ZNF143: variants seen among roughly 807,000 people sequenced by gnomAD.
The protein encoded by ZNF143 is zinc finger protein 143.
Under a neutral mutation model 74.1 loss-of-function variants are expected in ZNF143, and 49 were observed. That is an observed-to-expected ratio of 0.66 (90% CI 0.53 to 0.84). The LOEUF (loss-of-function observed/expected upper bound fraction) is 0.84. ZNF143 is among the 40% of genes least tolerant of loss of function. ZNF143 has a pLI of 0.00. For synonymous variants in ZNF143, 304 were observed against 282.8 expected (o/e 1.07, Z -0.75); for missense variants, 637 against 793.4 (o/e 0.80, Z 2.37).
At chr11:9,465,513 T>A (rs1238371723) in intron 1 of ZNF143, among the ~76,000 whole-genome samples, 2 of 144,658 alleles carry the variant, frequency 1.4e-5, no homozygotes, top group Non-Finnish European at 3.0e-5. Context: ...TTATTTATTT[T>A]TTCTGAAATG....
At chr11:9,467,207 C>T (rs1856286580) in intron 1 of ZNF143, among the ~76,000 whole-genome samples, 1 of 146,916 alleles carries the variant, frequency 6.8e-6, no homozygotes, top group African/African-American at 2.5e-5. Context: ...ATGTGTAATA[C>T]TCTTAAGTGA....
At chr11:9,485,030 C>T (rs1322191188) in intron 7 of ZNF143, among the ~76,000 whole-genome samples, 1 of 150,192 alleles carries the variant, frequency 6.7e-6, no homozygotes, top group African/African-American at 2.5e-5. Flanking sequence ...ATCTCCTGAC[C>T]TCGTGATCTG....
chr11:9,479,990 C>A (rs1425161312), intron 7 of ZNF143, among the ~76,000 whole-genome samples: 1 of 152,170 alleles, frequency 6.6e-6, no homozygotes, highest in Admixed American at 6.5e-5. Context: ...TCCTTTTCAA[C>A]TTCTGAAGGG....
intron 5 of ZNF143, among the ~76,000 whole-genome samples, chr11:9,476,926 A>AT (rs1381912963): frequency 6.1e-5 from 9 of 148,486 alleles, no homozygotes; most frequent in Admixed American, 4.7e-4. Flanking sequence ...TGCCCGGCTA[A>AT]TTTTTTGTAT....
At chr11:9,491,624 T>A (rs11600357) in intron 7 of ZNF143, among the ~76,000 whole-genome samples, 7,634 of 151,158 alleles carry the variant, frequency 0.051, 267 homozygotes, top group South Asian at 0.076. Context: ...GGGAACAGAG[T>A]GAGACTCCGT....
At chr11:9,484,890 C>G (rs1053278700) in intron 7 of ZNF143, among the ~76,000 whole-genome samples, 6 of 141,402 alleles carry the variant, frequency 4.2e-5, no homozygotes, top group Admixed American at 1.5e-4. Context: ...CTCCACCTCC[C>G]GGGTTCACGC....
chr11:9,514,261 A>G (rs1347661887), intron 13 of ZNF143, among the ~76,000 whole-genome samples: 1 of 152,206 alleles, frequency 6.6e-6, no homozygotes, highest in African/African-American at 2.4e-5. Context: ...ACCATACAGA[A>G]TAAGTCTTAT....
intron 13 of ZNF143, 49 bp from the exon 14 acceptor site, chr11:9,516,152 A>G: frequency 6.3e-7 from 1 of 1,590,808 alleles, no homozygotes; most frequent in Middle Eastern, 1.7e-4. Context: ...GAAGATTGTC[A>G]GCTATAACAA....
At chr11:9,482,937 T>C (rs916278403) in intron 7 of ZNF143, among the ~76,000 whole-genome samples, 1 of 151,436 alleles carries the variant, frequency 6.6e-6, no homozygotes, top group Non-Finnish European at 1.5e-5. Flanking sequence ...ATTTCACCTG[T>C]TTCTTTTAAT....
chr11:9,519,671 T>C (rs527339919), intron 14 of ZNF143, among the ~76,000 whole-genome samples: 1 of 152,350 alleles, frequency 6.6e-6, no homozygotes, highest in Non-Finnish European at 1.5e-5. Flanking sequence ...TTTTTGACTA[T>C]TATGAATAAG....
At chr11:9,464,511 G>C (rs1006408792) in intron 1 of ZNF143, among the ~76,000 whole-genome samples, 2 of 152,110 alleles carry the variant, frequency 1.3e-5, no homozygotes, top group Non-Finnish European at 2.9e-5. Context: ...TGAGGCAGGA[G>C]AATCTCTTGA....
chr11:9,474,837 C>G (rs1301068933), intron 5 of ZNF143, among the ~76,000 whole-genome samples: 1 of 152,206 alleles, frequency 6.6e-6, no homozygotes, highest in Non-Finnish European at 1.5e-5. Context: ...AACAGCAAAC[C>G]AAATGACTGG....
At position 9,525,040 on chromosome 11, in the gene ZNF143, G is replaced by A. The variant is rs3763874; in HGVS notation, c.1687-200G>A. On this transcript the variant is annotated intron_variant, in intron 14 of 15. Transcript: ENST00000396602. ...CCAGTGTTCTCTACCCTATTTTGCC[G>A]TTGGCTCACTTCATAACCTTAGATA... 0.36 allele frequency among the ~76,000 whole-genome samples: 54,634 copies of A among 151,926 alleles called. 10,344 individuals carry two copies. Among genetic ancestry groups the A allele is most frequent in the Middle Eastern group, 0.46 (135 of 294 alleles).
intron 10 of ZNF143, among the ~76,000 whole-genome samples, chr11:9,498,593 G>A (rs774050787): frequency 6.6e-6 from 1 of 151,862 alleles, no homozygotes; most frequent in South Asian, 2.1e-4. Context: ...TTACCTCCCC[G>A]ACCATCTCCT....
chr11:9,492,987 A>G (rs1258193478), intron 7 of ZNF143, among the ~76,000 whole-genome samples: 2 of 152,152 alleles, frequency 1.3e-5, no homozygotes, highest in African/African-American at 4.8e-5. Flanking sequence ...AGCCAGAAAA[A>G]ATGTGGAATT....
chr11:9,476,910 C>A (rs1419284674), intron 5 of ZNF143, among the ~76,000 whole-genome samples: 1 of 150,906 alleles, frequency 6.6e-6, no homozygotes, highest in Non-Finnish European at 1.5e-5. Context: ...CAGGCACCCA[C>A]CACCATGCCC....
intron 7 of ZNF143, among the ~76,000 whole-genome samples, chr11:9,492,699 T>C (rs1847826719): frequency 6.6e-6 from 1 of 152,240 alleles, no homozygotes; most frequent in Non-Finnish European, 1.5e-5. Flanking sequence ...TCATATATTT[T>C]AGTGGTATGA....
At chr11:9,522,743 C>G (rs1056478720) in intron 14 of ZNF143, among the ~76,000 whole-genome samples, 7 of 152,030 alleles carry the variant, frequency 4.6e-5, no homozygotes, top group African/African-American at 1.7e-4. Flanking sequence ...ATCCACCCGC[C>G]TTGGCCTCCC....
At chr11:9,490,339 G>T (rs1176199058) in intron 7 of ZNF143, among the ~76,000 whole-genome samples, 1 of 143,382 alleles carries the variant, frequency 7.0e-6, no homozygotes, top group East Asian at 2.0e-4. Context: ...ACCCAGGCTG[G>T]GTGGCAGTGG....
Sources: gnomAD v4.1 joint callset for allele counts (sites outside exome capture counted in the v4.1 genomes callset) on GRCh38, gnomAD v4.1.1 for gene constraint, MANE v1.5 for transcripts, NCBI Gene and HGNC (gene_info 2026-07-23, HGNC 2026-07-21) for gene names.